RHOBTB1: variants seen among roughly 807,000 people sequenced by gnomAD.
The protein encoded by RHOBTB1 is Rho related BTB domain containing 1.
RHOBTB1 carries 40 observed loss-of-function variants against 71.6 expected under a neutral mutation model. The ratio of observed to expected loss-of-function variants is 0.56; its 90% CI spans 0.43 to 0.73. RHOBTB1 has a LOEUF of 0.73. Among genes scored for constraint, RHOBTB1 ranks in the 30% least tolerant of loss-of-function variants. The pLI is 0.00. For missense variants in RHOBTB1, 797 were observed against 894.0 expected (o/e 0.89, Z 1.38); for synonymous variants, 319 against 334.9 (o/e 0.95, Z 0.52).
At chr10:60,873,971 C>T (rs958215919) in intron 9 of RHOBTB1, among the ~76,000 whole-genome samples, 7 of 152,192 alleles carry the variant, frequency 4.6e-5, no homozygotes, top group South Asian at 2.1e-4. Context: ...AGTTCAATTC[C>T]GCCTTTTCCC....
At chr10:60,988,729 A>G (rs1162346703) in intron 1 of RHOBTB1, among the ~76,000 whole-genome samples, 1 of 152,132 alleles carries the variant, frequency 6.6e-6, no homozygotes, top group Non-Finnish European at 1.5e-5. Context: ...GGTTGATTCC[A>G]TGTCTTTGCT....
chr10:60,945,394 A>G (rs9787690), upstream of RHOBTB1, among the ~76,000 whole-genome samples: 80,685 of 152,004 alleles, frequency 0.53, 21,697 homozygotes, highest in East Asian at 0.77. Context: ...ATGTGTTCCT[A>G]AGATACTGAA....
intron 2 of RHOBTB1, among the ~76,000 whole-genome samples, chr10:60,952,869 C>T (rs1220324734): frequency 6.6e-6 from 1 of 152,120 alleles, no homozygotes; most frequent in African/African-American, 2.4e-5. Flanking sequence ...GGGTCCTTGA[C>T]AAACAGCCAA....
At chr10:60,875,716 C>T (rs542003991) in intron 8 of RHOBTB1, among the ~76,000 whole-genome samples, 2 of 152,328 alleles carry the variant, frequency 1.3e-5, no homozygotes, top group African/African-American at 4.8e-5. Context: ...CTCTTGGATT[C>T]TAAAGACTGG....
At chr10:60,940,498 G>A (rs577837807) in intron 2 of RHOBTB1, among the ~76,000 whole-genome samples, 2 of 152,184 alleles carry the variant, frequency 1.3e-5, no homozygotes, top group Non-Finnish European at 2.9e-5. Flanking sequence ...TCTACGTGGT[G>A]CCTTTCAGAC....
chr10:60,995,246 C>T (rs185571598), intron 1 of RHOBTB1, among the ~76,000 whole-genome samples: 1 of 152,198 alleles, frequency 6.6e-6, no homozygotes, highest in East Asian at 1.9e-4. Flanking sequence ...GTACCAGGCA[C>T]CTTACTGAGG....
intron 2 of RHOBTB1, among the ~76,000 whole-genome samples, chr10:60,960,482 CAT>C (rs1299131533): frequency 6.6e-6 from 1 of 152,092 alleles, no homozygotes; most frequent in African/African-American, 2.4e-5. Flanking sequence ...GTATTTGTAA[CAT>C]AATATATTGT....
chr10:60,881,509 T>A (rs1315061848), intron 7 of RHOBTB1, among the ~76,000 whole-genome samples: 1 of 152,174 alleles, frequency 6.6e-6, no homozygotes, highest in Non-Finnish European at 1.5e-5. Context: ...CTGAAAACAA[T>A]GCCTCTCGTG....
At chr10:60,892,441 C>T (rs2081968838) in intron 5 of RHOBTB1, among the ~76,000 whole-genome samples, 1 of 152,152 alleles carries the variant, frequency 6.6e-6, no homozygotes, top group East Asian at 1.9e-4. Flanking sequence ...GGCCCAGATA[C>T]CTCTAAGTGT....
At chr10:60,897,228 G>C (rs751272999) in intron 4 of RHOBTB1, among the ~76,000 whole-genome samples, 1 of 152,202 alleles carries the variant, frequency 6.6e-6, no homozygotes, top group Non-Finnish European at 1.5e-5. Flanking sequence ...AAATATAGCA[G>C]AGTTGGTGGG....
intron 2 of RHOBTB1, among the ~76,000 whole-genome samples, chr10:60,978,926 T>C (rs1056932576): frequency 2.6e-5 from 4 of 152,106 alleles, no homozygotes; most frequent in Non-Finnish European, 5.9e-5. Flanking sequence ...TACCTCCTCT[T>C]CTTCTATGAT....
intron 2 of RHOBTB1, among the ~76,000 whole-genome samples, chr10:60,929,039 G>A (rs1017233953): frequency 6.6e-6 from 1 of 152,122 alleles, no homozygotes; most frequent in Non-Finnish European, 1.5e-5. Flanking sequence ...AAAGGGGTAA[G>A]TGCTATACAC....
At chr10:60,887,240 T>C (rs753436126) in intron 6 of RHOBTB1, among the ~76,000 whole-genome samples, 6 of 152,250 alleles carry the variant, frequency 3.9e-5, no homozygotes, top group Non-Finnish European at 8.8e-5. Flanking sequence ...ACTGTTTCTG[T>C]AACACAATGG....
In RHOBTB1 at chr10:60,891,654, A is replaced by G. The variant is rs375885230; in HGVS notation, c.482+1156T>C. 5.1e-4 allele frequency among the ~76,000 whole-genome samples: 77 copies of G among 152,066 alleles called. No individual in the cohort carries two copies. The South Asian group carries it at 0.015, about 30-fold the overall frequency. ...TGAGCCACTGTGCCCAGCCTAGAGG[A>G]GGGTATTAATATCAAAATTTTTTGA... On this transcript the variant is annotated intron_variant, in intron 5 of 10. Transcript: ENST00000337910.
chr10:60,914,832 T>C (rs548608663), intron 2 of RHOBTB1, among the ~76,000 whole-genome samples: 3 of 152,308 alleles, frequency 2.0e-5, no homozygotes, highest in African/African-American at 7.2e-5. Context: ...GAGAATAACA[T>C]CTATGGGTCC....
chr10:60,921,901 C>T (rs550019552), intron 2 of RHOBTB1, among the ~76,000 whole-genome samples: 1 of 152,264 alleles, frequency 6.6e-6, no homozygotes, highest in South Asian at 2.1e-4. Context: ...ACAGGAAGTG[C>T]ATCAGTAACC....
chr10:60,890,436 G>C (rs2081860970), intron 5 of RHOBTB1, among the ~76,000 whole-genome samples: 1 of 151,902 alleles, frequency 6.6e-6, no homozygotes, highest in Admixed American at 6.6e-5. Context: ...TACCCTTTAG[G>C]CTGGCACACA....
intron 2 of RHOBTB1, among the ~76,000 whole-genome samples, chr10:60,913,208 G>A (rs2083082824): frequency 6.6e-6 from 1 of 152,224 alleles, no homozygotes; most frequent in Non-Finnish European, 1.5e-5. Flanking sequence ...GTATGGAACT[G>A]TCGACTGTAA....
rs368477431 is a variant in RHOBTB1, at chr10:60,878,863, C to T, written c.1576-805G>A. Among the ~76,000 whole-genome samples the T allele has an allele frequency of 3.9e-5, 6 of 152,212 alleles. No homozygotes were observed. The East Asian group carries it at 7.7e-4, about 20-fold the overall frequency. On this transcript the variant is annotated intron_variant, in intron 7 of 10. Transcript: ENST00000337910. ...CATGGATTAATGGAGATGTACACTGCGTAGCAGCTACTCTTTATTTTAGGT... is the reference window on the plus strand; with the variant it reads ...CATGGATTAATGGAGATGTACACTGTGTAGCAGCTACTCTTTATTTTAGGT...
Sources: allele counts gnomAD v4.1 joint callset (sites outside exome capture counted in the v4.1 genomes callset), GRCh38; gene constraint gnomAD v4.1.1; transcripts MANE v1.5; gene names NCBI Gene and HGNC (gene_info 2026-07-23, HGNC 2026-07-21).